TPTE2: variants seen among roughly 807,000 people sequenced by gnomAD.
TPTE2 encodes the protein transmembrane phosphoinositide 3-phosphatase and tensin homolog 2.
A neutral mutation model predicts 78.6 loss-of-function variants in TPTE2; 53 were observed. The ratio of observed to expected loss-of-function variants is 0.67; its 90% CI spans 0.54 to 0.85. TPTE2 has a LOEUF of 0.85. Among genes scored for constraint, TPTE2 ranks in the 40% least tolerant of loss-of-function variants. The pLI is 0.00. For synonymous variants in TPTE2, 175 were observed against 206.2 expected (o/e 0.85, Z 1.30); for missense variants, 461 against 623.0 (o/e 0.74, Z 2.77).
chr13:19,424,890 C>A (rs1875903573), intron 19 of TPTE2, 57 bp downstream of exon 22: 1 of 1,097,572 alleles, frequency 9.1e-7, no homozygotes. Context: ...GCCATTACAC[C>A]TTATTTATAG....
intron 1 of TPTE2, among the ~76,000 whole-genome samples, chr13:19,493,875 A>T (rs562224560): frequency 6.6e-6 from 1 of 152,224 alleles, no homozygotes; most frequent in South Asian, 2.1e-4. Flanking sequence ...AGCTCCTTAC[A>T]TTCACCCAGC....
At chr13:19,434,328 G>A (rs1022673533) in intron 15 of TPTE2, among the ~76,000 whole-genome samples, 4 of 152,230 alleles carry the variant, frequency 2.6e-5, no homozygotes, top group African/African-American at 9.6e-5. Context: ...GCAATGGCAT[G>A]AGGGTATCAA....
chr13:19,485,835 C>T (rs929648191), intron 3 of TPTE2, among the ~76,000 whole-genome samples: 17 of 151,980 alleles, frequency 1.1e-4, no homozygotes, highest in African/African-American at 3.9e-4. Context: ...TTTTTCATTT[C>T]ATCCATTGAA....
At position 19,530,784 on chromosome 13, in the gene TPTE2, C is replaced by A. The variant is rs548749627; in HGVS notation, c.-44+5812G>T. ...AAGTGATCCTCCCACCTCGGCATCC[C>A]AATGTGTTGGGATTACAGATGTAGG... On this transcript the variant is annotated intron_variant, in intron 1 of 17. Transcript: ENST00000390680. Among the ~76,000 whole-genome samples the A allele has an allele frequency of 6.6e-5, 10 of 152,228 alleles. 1 individual carries two copies. In the East Asian group the frequency reaches 1.9e-3, roughly 29 times the overall value.
At chr13:19,501,885 C>T (rs1356318195) in intron 1 of TPTE2, among the ~76,000 whole-genome samples, 9 of 151,156 alleles carry the variant, frequency 6.0e-5, no homozygotes, top group South Asian at 2.1e-4. Flanking sequence ...AGAAAATTTT[C>T]GCAACCTACT....
intron 4 of TPTE2, among the ~76,000 whole-genome samples, chr13:19,480,712 T>C (rs1177729726): frequency 6.6e-6 from 1 of 152,164 alleles, no homozygotes; most frequent in Non-Finnish European, 1.5e-5. Context: ...TTTACTAATA[T>C]CAGAGAAATC....
At chr13:19,501,697 C>G (rs7990208) in intron 1 of TPTE2, among the ~76,000 whole-genome samples, 93,115 of 150,826 alleles carry the variant, frequency 0.62, 33,016 homozygotes, top group East Asian at 0.89. Flanking sequence ...ACCATAAAAA[C>G]CCTAGAAGAA....
In TPTE2 at chr13:19,462,378, T is replaced by C. The variant is rs1878979018; in HGVS notation, c.741+2078A>G. 2.6e-5 allele frequency among the ~76,000 whole-genome samples: 4 copies of C among 152,094 alleles called. No individual in the cohort carries two copies. The South Asian group carries it at 8.3e-4, about 32-fold the overall frequency. ...ATAGCTCTACTAGGTATAGTATTCT[T>C]GGTTGACAGTTTTTTTTTTCCTTCA... On this transcript the variant is annotated intron_variant, in intron 10 of 19. Transcript: ENST00000400230.
the TPTE2 span, among the ~76,000 whole-genome samples, chr13:19,547,480 T>C: frequency 6.6e-6 from 1 of 152,186 alleles, no homozygotes; most frequent in African/African-American, 2.4e-5. Context: ...TAAGTACTTA[T>C]GGCAATTTAA....
At chr13:19,493,666 G>A (rs1233851996) in intron 1 of TPTE2, 165 bp from the exon 5 acceptor site, 2 of 724,648 alleles carry the variant, frequency 2.8e-6, no homozygotes, top group African/African-American at 3.5e-5. Flanking sequence ...TATTAGAAAT[G>A]AGGATGTATA....
intron 4 of TPTE2, among the ~76,000 whole-genome samples, chr13:19,477,422 G>A (rs1221218747): frequency 1.3e-5 from 2 of 152,054 alleles, no homozygotes; most frequent in Admixed American, 6.6e-5. Context: ...GTTAACCTGA[G>A]ATAAAGGAAA....
chr13:19,495,999 GCAGGGACTA>G (rs1881288883), intron 1 of TPTE2, among the ~76,000 whole-genome samples: 1 of 152,116 alleles, frequency 6.6e-6, no homozygotes. Flanking sequence ...CTCCCAACTA[GCAGGGACTA>G]CAGGTGCCCG....
intron 10 of TPTE2, among the ~76,000 whole-genome samples, chr13:19,458,920 C>T (rs1385410572): frequency 6.6e-6 from 1 of 151,978 alleles, no homozygotes; most frequent in Non-Finnish European, 1.5e-5. Flanking sequence ...ATTTATATTC[C>T]TTTGGGTATA....
chr13:19,458,737 T>C (rs1878701915), intron 10 of TPTE2: 22 of 440,188 alleles, frequency 5.0e-5, no homozygotes, highest in South Asian at 3.2e-4. Flanking sequence ...CTCTCTTTCA[T>C]CACTGGCACT....
At chr13:19,514,585 T>C (rs1279449729) in intron 1 of TPTE2, among the ~76,000 whole-genome samples, 1 of 31,698 alleles carries the variant, frequency 3.2e-5, no homozygotes, top group African/African-American at 6.2e-5. Flanking sequence ...GCACCAGTAC[T>C]TCTGAGAGTG....
At chr13:19,515,792 T>G (rs7320088) in intron 1 of TPTE2, among the ~76,000 whole-genome samples, 2 of 152,196 alleles carry the variant, frequency 1.3e-5, no homozygotes, top group African/African-American at 4.8e-5. Context: ...GCAGCCTTAT[T>G]AAATGATTAC....
At chr13:19,428,675 G>C (rs1180133258) in intron 17 of TPTE2, among the ~76,000 whole-genome samples, 3 of 151,740 alleles carry the variant, frequency 2.0e-5, no homozygotes. Context: ...GCTACAGTGA[G>C]CCATGATCAT....
chr13:19,461,267 C>A (rs1878869081), intron 10 of TPTE2, among the ~76,000 whole-genome samples: 1 of 152,098 alleles, frequency 6.6e-6, no homozygotes, highest in Non-Finnish European at 1.5e-5. Context: ...TTTAAAAAAT[C>A]TGTTTCCTTC....
intron 1 of TPTE2, among the ~76,000 whole-genome samples, chr13:19,509,858 G>C (rs145510323): frequency 3.9e-5 from 6 of 152,276 alleles, no homozygotes; most frequent in Admixed American, 1.3e-4. Context: ...AAGGAAAAAG[G>C]ATGAACTGTT....
Sources: allele counts gnomAD v4.1 joint callset (sites outside exome capture counted in the v4.1 genomes callset), GRCh38; gene constraint gnomAD v4.1.1; transcripts MANE v1.5; gene names NCBI Gene and HGNC (gene_info 2026-07-23, HGNC 2026-07-21).